Variants in TMEM182 observed in about 807,000 individuals in gnomAD.
The protein encoded by TMEM182 is transmembrane protein 182.
A neutral mutation model predicts 26.8 loss-of-function variants in TMEM182; 20 were observed. The ratio of observed to expected loss-of-function variants is 0.75; its 90% confidence interval spans 0.53 to 1.09. TMEM182 has a LOEUF of 1.09. Ranked by LOEUF, TMEM182 falls within the 50% of genes least tolerant of loss-of-function variation. The pLI, the probability that TMEM182 is intolerant of heterozygous loss-of-function variation, is 0.00. For missense variants in TMEM182, 277 were observed against 275.5 expected (o/e 1.01, Z -0.04); for synonymous variants, 109 against 102.2 (o/e 1.07, Z -0.40).
chr2:102,816,004 T>G lies in TMEM182; in HGVS notation c.*1036T>G. The G allele has an allele frequency of 1.0e-6, 1 of 985,042 alleles. No individual in the cohort carries two copies. The allele number at this position is 985,042 out of a possible 1,614,324, so 61.0% of individuals were successfully genotyped here. On this transcript the variant is annotated 3_prime_UTR_variant, in exon 5 of 5. Coordinates refer to ENST00000412401, the MANE Select transcript of TMEM182 (RefSeq NM_144632.5). ...GATTCCTTTAATTACTGTCCCTCAA[T>G]TTCTTCATCTTTACAATAGATATAT...
intron 3 of TMEM182, among the ~76,000 whole-genome samples, chr2:102,789,736 A>T (rs1370040040): frequency 6.6e-6 from 1 of 152,202 alleles, no homozygotes; most frequent in African/African-American, 2.4e-5. Context: ...TCTCTGATTA[A>T]TGGTCTTGAG....
intron 3 of TMEM182, among the ~76,000 whole-genome samples, chr2:102,792,650 G>A (rs1358500155): frequency 6.6e-6 from 1 of 152,178 alleles, no homozygotes. Context: ...AACAAATTTT[G>A]TAATATGCTT....
chr2:102,795,127 T>G (rs1181733412), intron 3 of TMEM182, among the ~76,000 whole-genome samples: 1 of 152,210 alleles, frequency 6.6e-6, no homozygotes, highest in Non-Finnish European at 1.5e-5. Context: ...GTTTTCTAAT[T>G]CTAAAATTTA....
intron 3 of TMEM182, among the ~76,000 whole-genome samples, chr2:102,842,490 G>A (rs992351574): frequency 2.0e-5 from 3 of 151,958 alleles, no homozygotes; most frequent in South Asian, 2.1e-4. Context: ...AGCTTTCCCC[G>A]GATCCCAATT....
chr2:102,834,740 A>G (rs2104778241), intron 3 of TMEM182, among the ~76,000 whole-genome samples: 1 of 152,326 alleles, frequency 6.6e-6, no homozygotes, highest in African/African-American at 2.4e-5. Context: ...CTGCAGGTCC[A>G]GAGCAGTCCA....
chr2:102,810,389 GT>G (rs1682510704), intron 4 of TMEM182, among the ~76,000 whole-genome samples: 1 of 152,084 alleles, frequency 6.6e-6, no homozygotes, highest in South Asian at 2.1e-4. Context: ...GGGGGAATCT[GT>G]TTTGTTTCCA....
intron 3 of TMEM182, 141 bp from the exon 4 acceptor site, chr2:102,797,722 C>T: frequency 9.9e-7 from 1 of 1,008,954 alleles, no homozygotes; most frequent in South Asian, 1.8e-5. Context: ...TTTGTTCAGA[C>T]CCATCCCTGG....
intron 1 of TMEM182, among the ~76,000 whole-genome samples, chr2:102,754,709 C>T (rs1292551264): frequency 6.6e-6 from 1 of 152,116 alleles, no homozygotes; most frequent in Admixed American, 6.6e-5. Flanking sequence ...TAAATCATTT[C>T]ATCAGATATT....
rs3080288 is a variant in TMEM182, at chr2:102,814,086, GTATA to G, written c.470-646_470-643del. ...CTATGCTGTAATCAATCTTTAGTGT[GTATA>G]TATATATATATATATTTAGATTCTG... On this transcript the variant is annotated intron_variant, in intron 4 of 4. Coordinates refer to ENST00000412401, the MANE Select transcript of TMEM182 (RefSeq NM_144632.5). Among the ~76,000 whole-genome samples, 8 of 148,614 alleles carry G rather than the reference GTATA, an allele frequency of 5.4e-5. No homozygotes were observed. The South Asian group carries it at 8.5e-4, about 16-fold the overall frequency.
chr2:102,790,323 A>G (rs1681581966), intron 3 of TMEM182, among the ~76,000 whole-genome samples: 1 of 152,234 alleles, frequency 6.6e-6, no homozygotes, highest in Non-Finnish European at 1.5e-5. Context: ...ATGGCTTGGA[A>G]TGGAACTTAT....
chr2:102,796,817 C>T (rs997637576), intron 3 of TMEM182, among the ~76,000 whole-genome samples: 5 of 152,166 alleles, frequency 3.3e-5, no homozygotes, highest in African/African-American at 1.2e-4. Context: ...TCCTCCCATC[C>T]TCTTTCCTGT....
intron 3 of TMEM182, among the ~76,000 whole-genome samples, chr2:102,770,040 G>T (rs956085769): frequency 6.6e-6 from 1 of 152,146 alleles, no homozygotes; most frequent in Non-Finnish European, 1.5e-5. Context: ...TTGCAGAGGT[G>T]ATTTTTGATT....
chr2:102,840,199 G>C (rs989296993), intron 3 of TMEM182, among the ~76,000 whole-genome samples: 1 of 152,158 alleles, frequency 6.6e-6, no homozygotes, highest in African/African-American at 2.4e-5. Context: ...TCGAAGGGTG[G>C]AGGCCTTGGG....
At chr2:102,827,279 T>C (rs1481847934) in intron 3 of TMEM182, among the ~76,000 whole-genome samples, 1 of 152,236 alleles carries the variant, frequency 6.6e-6, no homozygotes, top group Non-Finnish European at 1.5e-5. Context: ...ATAATTTCTC[T>C]TTGGAAGTGT....
Position 102,764,057 on chromosome 2 carries a change from C to T in TMEM182, c.233-272C>T, listed in dbSNP as rs150975122. 2.6e-4 allele frequency among the ~76,000 whole-genome samples: 40 copies of T among 152,192 alleles called. No individual in the cohort carries two copies. The East Asian group carries it at 6.0e-3, about 23-fold the overall frequency. On this transcript the variant is annotated intron_variant, in intron 2 of 4. Transcript: ENST00000412401. The stretch of plus-strand genomic sequence containing the variant: ...AAAGATGAAATGTGGTACCTTAAAT[C>T]GTAAGGTGATATAAAGGGCATTTGC...
At chr2:102,749,819 A>ATTATAAT (rs1292618942) in intron 1 of TMEM182, among the ~76,000 whole-genome samples, 1 of 152,146 alleles carries the variant, frequency 6.6e-6, no homozygotes, top group Non-Finnish European at 1.5e-5. Context: ...TTCAAAATTA[A>ATTATAAT]TTATAATTTT....
chr2:102,808,753 A>G lies in TMEM182; in HGVS notation c.470-5995A>G, dbSNP rs547545509. Among the ~76,000 whole-genome samples the G allele has an allele frequency of 3.3e-5, 5 of 152,344 alleles. 1 individual carries two copies. Among genetic ancestry groups the G allele is most frequent in the African/African-American group, 1.2e-4 (5 of 41,580 alleles). On this transcript the variant is annotated intron_variant, in intron 4 of 4. Coordinates refer to ENST00000412401, the MANE Select transcript of TMEM182 (RefSeq NM_144632.5). ...CGATGGAATAATGCTCAGCAATAAA[A>G]AGGAATGAAGTGTGAACACATCTTG...
intron 1 of TMEM182, among the ~76,000 whole-genome samples, chr2:102,748,940 A>T (rs1308420682): frequency 6.6e-6 from 1 of 152,186 alleles, no homozygotes; most frequent in Non-Finnish European, 1.5e-5. Flanking sequence ...AGACGTCTGC[A>T]AGTTCAAGGA....
At chr2:102,798,838 TA>T (rs879341029) in intron 4 of TMEM182, among the ~76,000 whole-genome samples, 217 of 145,480 alleles carry the variant, frequency 1.5e-3, no homozygotes, top group Middle Eastern at 3.6e-3. Flanking sequence ...AGACTTTGTC[TA>T]AAAAAAAAAA....
Sources: gnomAD v4.1 joint callset for allele counts (sites outside exome capture counted in the v4.1 genomes callset) on GRCh38, gnomAD v4.1.1 for gene constraint, MANE v1.5 for transcripts, NCBI Gene and HGNC (gene_info 2026-07-23, HGNC 2026-07-21) for gene names.